Variants in PRDM16 observed in about 807,000 individuals in gnomAD.
PRDM16 encodes PR/SET domain 16, also known as histone-lysine N-methyltransferase PRDM16.
Under a neutral mutation model 110.6 loss-of-function variants are expected in PRDM16, and 23 were observed. That is an observed-to-expected ratio of 0.21 (90% CI 0.15 to 0.29). The LOEUF (loss-of-function observed/expected upper bound fraction) is 0.29, where lower values mean the gene tolerates loss of function less well. Ranked by LOEUF, PRDM16 falls within the 10% of genes least tolerant of loss-of-function variation. PRDM16 has a pLI of 1.00. For missense variants in PRDM16, 1,615 were observed against 1,794.3 expected, an observed-to-expected ratio of 0.90 and a Z score of 1.81; for synonymous variants, 799 against 781.8, an observed-to-expected ratio of 1.02 and a Z score of -0.37.
chr1:3,123,908 C>G (rs2100667750), intron 1 of PRDM16, among the ~76,000 whole-genome samples: 1 of 152,322 alleles, frequency 6.6e-6, no homozygotes, highest in South Asian at 2.1e-4. Flanking sequence ...AAATGAGGCC[C>G]TGTCTCCGAG....
At chr1:3,349,200 C>A (rs1642426537) in intron 3 of PRDM16, among the ~76,000 whole-genome samples, 2 of 152,232 alleles carry the variant, frequency 1.3e-5, no homozygotes, top group South Asian at 4.1e-4. Flanking sequence ...GCCAGGCTGT[C>A]TGGGCGCAGC....
intron 8 of PRDM16, among the ~76,000 whole-genome samples, chr1:3,410,017 C>G (rs4648493): frequency 8.3e-6 from 1 of 119,914 alleles, no homozygotes; most frequent in Non-Finnish European, 1.7e-5. Context: ...TGTGTGTGTG[C>G]TGTGTGTGCA....
chr1:3,169,073 C>T (rs987079983), intron 1 of PRDM16, among the ~76,000 whole-genome samples: 13 of 152,180 alleles, frequency 8.5e-5, no homozygotes, highest in South Asian at 4.1e-4. Context: ...TGTGCTGTGC[C>T]GCTGCTGCGG....
Position 3,412,812 on chromosome 1 carries a change from C to G in PRDM16, c.2603+12C>G. The G allele has an allele frequency of 1.4e-6, 2 of 1,442,092 alleles. No homozygotes were observed. The highest frequency in any genetic ancestry group is 3.0e-5 in the South Asian group (2 of 66,958). The allele number at this position is 1,442,092 out of a possible 1,614,324, so 89.3% of individuals were successfully genotyped here. On this transcript the variant is annotated intron_variant, in intron 9 of 16. Transcript: ENST00000270722. ...GACCCCATCTACAGGTATTCAGCAC[C>G]CCAGCCTCACTGGCTCTCCCTGGGG... is the stretch of plus-strand genomic sequence containing the variant.
chr1:3,227,933 G>A (rs1639329449), intron 2 of PRDM16, among the ~76,000 whole-genome samples: 1 of 152,224 alleles, frequency 6.6e-6, no homozygotes, highest in Admixed American at 6.5e-5. Context: ...ACACCCGAGT[G>A]GGTCGAGTTT....
chr1:3,336,225 T>A (rs986178275), intron 3 of PRDM16, among the ~76,000 whole-genome samples: 1 of 152,228 alleles, frequency 6.6e-6, no homozygotes, highest in Non-Finnish European at 1.5e-5. Context: ...TGCGCATGTG[T>A]GCACGTGCGT....
intron 3 of PRDM16, among the ~76,000 whole-genome samples, chr1:3,341,765 C>T (rs1642277814): frequency 6.6e-6 from 1 of 152,250 alleles, no homozygotes; most frequent in Non-Finnish European, 1.5e-5. Flanking sequence ...CTGCCGCTCC[C>T]AGGCCAGCCA....
At chr1:3,108,943 G>A (rs185310076) in intron 1 of PRDM16, among the ~76,000 whole-genome samples, 9 of 151,760 alleles carry the variant, frequency 5.9e-5, no homozygotes, top group South Asian at 4.2e-4. Flanking sequence ...TTAGCTGGGC[G>A]TAGTGGTGGA....
chr1:3,283,718 C>T (rs1426127534), intron 3 of PRDM16, among the ~76,000 whole-genome samples: 2 of 149,954 alleles, frequency 1.3e-5, no homozygotes, highest in African/African-American at 4.9e-5. Context: ...GGAAGAGAGA[C>T]GGGGCGGTCA....
At chr1:3,249,586 G>A (rs1031800335) in intron 3 of PRDM16, among the ~76,000 whole-genome samples, 5 of 151,934 alleles carry the variant, frequency 3.3e-5, no homozygotes, top group African/African-American at 1.2e-4. Flanking sequence ...CTAACCCTAA[G>A]AACCCTGCTA....
At chr1:3,229,480 C>T (rs1334524667) in intron 2 of PRDM16, among the ~76,000 whole-genome samples, 2 of 152,240 alleles carry the variant, frequency 1.3e-5, no homozygotes, top group African/African-American at 4.8e-5. Context: ...GTGACCTTGT[C>T]ATGTTTGTTG....
chr1:3,092,166 G>A (rs1019135399), intron 1 of PRDM16, among the ~76,000 whole-genome samples: 4 of 152,172 alleles, frequency 2.6e-5, no homozygotes, highest in African/African-American at 9.7e-5. Context: ...GGCTCAGAGA[G>A]CACCACGACT....
intron 3 of PRDM16, among the ~76,000 whole-genome samples, chr1:3,283,937 G>A (rs542991643): frequency 1.3e-5 from 2 of 152,358 alleles, no homozygotes; most frequent in East Asian, 1.9e-4. Context: ...TCGGGGGACC[G>A]GTGCGCGGTG....
chr1:3,375,772 C>T (rs1228514864), intron 3 of PRDM16, among the ~76,000 whole-genome samples: 3 of 152,250 alleles, frequency 2.0e-5, no homozygotes, highest in African/African-American at 7.2e-5. Context: ...GATGGAAACT[C>T]CTCTTTGCTT....
intron 1 of PRDM16, among the ~76,000 whole-genome samples, chr1:3,181,810 TCTTACACATGC>T (rs1644207426): frequency 5.4e-5 from 5 of 92,460 alleles, no homozygotes; most frequent in South Asian, 7.5e-4. Flanking sequence ...TTACACACGG[TCTTACACATGC>T]GGTCTTACAC....
At chr1:3,372,484 A>G (rs1340489769) in intron 3 of PRDM16, among the ~76,000 whole-genome samples, 1 of 152,220 alleles carries the variant, frequency 6.6e-6, no homozygotes, top group East Asian at 1.9e-4. Flanking sequence ...GTGTCACCTC[A>G]CAGAGAAACC....
chr1:3,349,118 A>G (rs1353881218), intron 3 of PRDM16, among the ~76,000 whole-genome samples: 1 of 152,208 alleles, frequency 6.6e-6, no homozygotes, highest in Admixed American at 6.5e-5. Context: ...GAGTCAATGC[A>G]TTTCTGCACG....
At chr1:3,136,332 C>T (rs2100693157) in intron 1 of PRDM16, among the ~76,000 whole-genome samples, 1 of 152,304 alleles carries the variant, frequency 6.6e-6, no homozygotes, top group Non-Finnish European at 1.5e-5. Context: ...GACCCGCTGT[C>T]CGGGGACCTC....
intron 2 of PRDM16, among the ~76,000 whole-genome samples, chr1:3,231,567 A>G (rs1013214322): frequency 2.0e-5 from 3 of 152,158 alleles, no homozygotes; most frequent in African/African-American, 7.2e-5. Flanking sequence ...GGGGCCCAGG[A>G]TTATTTGCCT....
Sources: gnomAD v4.1 joint callset for allele counts (sites outside exome capture counted in the v4.1 genomes callset) on GRCh38, gnomAD v4.1.1 for gene constraint, MANE v1.5 for transcripts, NCBI Gene and HGNC (gene_info 2026-07-23, HGNC 2026-07-21) for gene names.